Variants in SLCO1B1 observed in about 807,000 individuals in gnomAD.
SLCO1B1 encodes the protein solute carrier organic anion transporter family member 1B1.
A neutral mutation model predicts 70.1 loss-of-function variants in SLCO1B1; 81 were observed. The observed-to-expected ratio is 1.16, with a 90% CI of 0.97 to 1.39. SLCO1B1 has a LOEUF of 1.39. Among genes scored for constraint, SLCO1B1 ranks in the 40% most tolerant of loss-of-function variants. The probability of loss-of-function intolerance (pLI) is 0.00; values close to 1 mark genes in which losing one functional copy is unlikely to be tolerated. For missense variants in SLCO1B1, 895 were observed against 799.6 expected, an observed-to-expected ratio of 1.12 and a Z score of -1.44; for synonymous variants, 283 against 271.5, an observed-to-expected ratio of 1.04 and a Z score of -0.42.
rs984620353 is a variant in SLCO1B1 at position 21,133,114 on chromosome 12, C to G, written c.-62+1878C>G. Among the ~76,000 whole-genome samples, 22 of 152,092 alleles carry G rather than the reference C, an allele frequency of 1.4e-4. No homozygotes were observed. In the South Asian group the frequency reaches 1.5e-3, roughly 10 times the overall value. ...AATCCTTTCCCCATTGCTTGTTTTT[C>G]TCAGGTTTGTCAAAGATCAGATAGT... is the stretch of plus-strand genomic sequence containing the variant. On this transcript the variant is annotated intron_variant, in intron 1 of 14. Transcript: ENST00000256958.
intron 1 of SLCO1B1, among the ~76,000 whole-genome samples, chr12:21,138,801 A>G (rs1940266552): frequency 6.6e-6 from 1 of 152,160 alleles, no homozygotes. Flanking sequence ...GGATTGAAAG[A>G]AACATACAAG....
rs1940855609 is a variant in SLCO1B1, at chr12:21,178,833, A to G, written c.629-89A>G. 69 of 1,347,198 alleles carry G rather than the reference A, an allele frequency of 5.1e-5. No homozygotes were observed. The South Asian group carries it at 7.9e-4, about 15-fold the overall frequency. 83.5% of individuals were successfully genotyped at this position (1,347,198 alleles called of 1,614,324 possible). A position where few individuals can be genotyped will look rare whatever the true frequency, so the allele number is the denominator to read the frequency against. ...CCTATTAGAACATATATTTGGGTAT[A>G]TGTATTGTATCATATTTCTTTTAAA... is the stretch of plus-strand genomic sequence containing the variant. On this transcript the variant is annotated intron_variant, in intron 6 of 14. Transcript: ENST00000256958.
intron 7 of SLCO1B1, among the ~76,000 whole-genome samples, chr12:21,180,951 T>G (rs139506823): frequency 1.3e-5 from 2 of 152,220 alleles, no homozygotes; most frequent in Non-Finnish European, 2.9e-5. Flanking sequence ...GTGATGAGTA[T>G]GAGCTTCACT....
intron 14 of SLCO1B1, among the ~76,000 whole-genome samples, chr12:21,226,878 A>G (rs1012440016): frequency 6.6e-6 from 1 of 152,148 alleles, no homozygotes; most frequent in South Asian, 2.1e-4. Context: ...TTTCTGTAAA[A>G]AGTATGTTCT....
chr12:21,158,635 A>G (rs1940573278), intron 2 of SLCO1B1, among the ~76,000 whole-genome samples: 1 of 152,156 alleles, frequency 6.6e-6, no homozygotes, highest in Non-Finnish European at 1.5e-5. Flanking sequence ...CAGAGGTTGC[A>G]GTGAGCCAAG....
intron 1 of SLCO1B1, among the ~76,000 whole-genome samples, chr12:21,139,186 A>C: frequency 6.6e-6 from 1 of 152,054 alleles, no homozygotes; most frequent in Non-Finnish European, 1.5e-5. Context: ...GCTATTATAT[A>C]ATTTTTTTAA....
chr12:21,215,967 G>T (rs894256713), intron 11 of SLCO1B1, among the ~76,000 whole-genome samples: 1 of 151,994 alleles, frequency 6.6e-6, no homozygotes, highest in African/African-American at 2.4e-5. Context: ...TGGATGGTTG[G>T]ATAAGAATGA....
At chr12:21,224,973 G>C in intron 14 of SLCO1B1, 134 bp downstream of exon 14, 1 of 535,018 alleles carries the variant, frequency 1.9e-6, no homozygotes, top group Non-Finnish European at 3.2e-6. Flanking sequence ...ATGCAGTATG[G>C]TATCAAGCAA....
intron 11 of SLCO1B1, among the ~76,000 whole-genome samples, chr12:21,211,906 T>C (rs1330865593): frequency 6.6e-6 from 1 of 150,758 alleles, no homozygotes; most frequent in Admixed American, 6.6e-5. Context: ...TCGGTGGTGA[T>C]ATCCCCTTTA....
chr12:21,206,083 A>T (rs1222178854), intron 11 of SLCO1B1, 50 bp downstream of exon 11: 2 of 1,474,192 alleles, frequency 1.4e-6, no homozygotes, highest in Non-Finnish European at 9.5e-7. Flanking sequence ...CACAGATTAG[A>T]TTGAACAATT....
chr12:21,141,103 T>C (rs1940301508), intron 1 of SLCO1B1, among the ~76,000 whole-genome samples: 1 of 151,972 alleles, frequency 6.6e-6, no homozygotes. Flanking sequence ...TTTGAATATC[T>C]ACTCTGTGCA....
At chr12:21,181,178 G>A (rs1362868572) in intron 7 of SLCO1B1, among the ~76,000 whole-genome samples, 1 of 152,132 alleles carries the variant, frequency 6.6e-6, no homozygotes, top group African/African-American at 2.4e-5. Flanking sequence ...GCATTGGCAA[G>A]GACTTCTGAT....
At chr12:21,219,926 T>C (rs1035085124) in intron 12 of SLCO1B1, among the ~76,000 whole-genome samples, 2 of 152,148 alleles carry the variant, frequency 1.3e-5, no homozygotes, top group Non-Finnish European at 2.9e-5. Context: ...CGTGCCTGAC[T>C]AATTTTTGTA....
Position 21,174,724 on chromosome 12 carries a change from A to AT in SLCO1B1, c.359+15_359+16insT. On this transcript the variant is annotated intron_variant, in intron 4 of 14. Transcript: ENST00000256958. ...TTCATGGGATAGTAAGTGTTAAAAA[A>AT]AAAAAAAACCTCTGTGCCACTATCA... The AT allele has an allele frequency of 1.2e-6, 2 of 1,608,758 alleles. No individual in the cohort carries two copies. Among genetic ancestry groups the AT allele is most frequent in the Non-Finnish European group, 1.7e-6 (2 of 1,178,896 alleles).
At chr12:21,146,235 AGTGTT>A (rs1190410994) in intron 2 of SLCO1B1, among the ~76,000 whole-genome samples, 1 of 152,070 alleles carries the variant, frequency 6.6e-6, no homozygotes, top group Non-Finnish European at 1.5e-5. Context: ...TTGTAGGCAG[AGTGTT>A]GCTTATAGTA....
At chr12:21,148,455 T>C (rs1457244517) in intron 2 of SLCO1B1, among the ~76,000 whole-genome samples, 1 of 152,192 alleles carries the variant, frequency 6.6e-6, no homozygotes, top group East Asian at 1.9e-4. Flanking sequence ...ACATCATATA[T>C]ATTAAGAAGG....
intron 2 of SLCO1B1, among the ~76,000 whole-genome samples, chr12:21,163,606 G>A (rs1940648887): frequency 6.6e-6 from 1 of 152,114 alleles, no homozygotes; most frequent in African/African-American, 2.4e-5. Flanking sequence ...TCAGTAGGCT[G>A]GGAGACCAAG....
At chr12:21,165,546 T>C (rs1381450577) in intron 2 of SLCO1B1, among the ~76,000 whole-genome samples, 1 of 152,112 alleles carries the variant, frequency 6.6e-6, no homozygotes, top group Non-Finnish European at 1.5e-5. Flanking sequence ...AAAATAAAAA[T>C]TTACAAGAAG....
intron 2 of SLCO1B1, among the ~76,000 whole-genome samples, chr12:21,155,736 G>A (rs1252506640): frequency 6.6e-6 from 1 of 152,140 alleles, no homozygotes; most frequent in East Asian, 1.9e-4. Context: ...ACGTCACTCT[G>A]CCCTTTGACA....
Sources: gnomAD v4.1 joint callset for allele counts (sites outside exome capture counted in the v4.1 genomes callset) on GRCh38, gnomAD v4.1.1 for gene constraint, MANE v1.5 for transcripts, NCBI Gene and HGNC (gene_info 2026-07-23, HGNC 2026-07-21) for gene names.